SLF2: variants seen among roughly 807,000 people sequenced by gnomAD.
SLF2 encodes SMC5-SMC6 complex localization factor protein 2.
Under a neutral mutation model 124.3 loss-of-function variants are expected in SLF2, and 68 were observed. The observed-to-expected ratio is 0.55, with a 90% confidence interval of 0.45 to 0.67. The LOEUF is 0.67. SLF2 is among the 30% of genes least tolerant of loss of function. The pLI is 0.00. For missense variants in SLF2, 1,246 were observed against 1,373.7 expected (o/e 0.91, Z 1.47); for synonymous variants, 480 against 478.8 (o/e 1.00, Z -0.03).
chr10:100,937,298 G>T (rs1051372676), intron 9 of SLF2, 104 bp from the exon 10 acceptor site: 8 of 838,406 alleles, frequency 9.5e-6, no homozygotes, highest in Non-Finnish European at 1.6e-5. Context: ...GGCATGAACT[G>T]CTGCGCCTGG....
At chr10:100,932,687 CAAT>C (rs1564775890) in intron 9 of SLF2, among the ~76,000 whole-genome samples, 7 of 140,884 alleles carry the variant, frequency 5.0e-5, no homozygotes, top group East Asian at 2.2e-4. Context: ...AGGAGACAAA[CAAT>C]AAGTGTGTGT....
Position 100,917,059 on chromosome 10 carries a change from A to G in SLF2, c.674A>G (p.His225Arg). 1 of 1,614,238 alleles carries G rather than the reference A, an allele frequency of 6.2e-7. No homozygotes were observed. Among genetic ancestry groups the G allele is most frequent in the Non-Finnish European group, 8.5e-7 (1 of 1,180,046 alleles). Residue 225 changes from histidine (H) to arginine (R), a missense_variant, in exon 3 of 20, where the codon CAC becomes CGC. His to Arg is a conservative substitution (Grantham distance 29, BLOSUM62 0). Coordinates refer to ENST00000238961, the MANE Select transcript of SLF2 (RefSeq NM_018121.4). ...SLSSRSSLSRHHPEESPLGAK... is the reference protein window; with the variant it reads ...SLSSRSSLSRRHPEESPLGAK... ...AGCAGCAGGAGCAGCCTGTCCAGGC[A>G]CCACCCGGAAGAAAGCCCACTGGGA...
intron 10 of SLF2, among the ~76,000 whole-genome samples, chr10:100,938,164 A>G (rs1341962130): frequency 6.6e-6 from 1 of 152,222 alleles, no homozygotes; most frequent in Non-Finnish European, 1.5e-5. Flanking sequence ...CATCCACTGT[A>G]AAAGTGTAAC....
rs551246691 is a variant in SLF2, at chr10:100,917,921, A to G, written c.916-463A>G. The stretch of plus-strand genomic sequence containing the variant: ...ATATCGAGACCTTGGCTCTACTACA[A>G]ATAAATAAATAAATAAATAACCAGT... On this transcript the variant is annotated intron_variant, in intron 3 of 19. Coordinates refer to ENST00000238961, the MANE Select transcript of SLF2 (RefSeq NM_018121.4). 2.0e-5 allele frequency among the ~76,000 whole-genome samples: 3 copies of G among 149,470 alleles called. No homozygotes were observed. In the Admixed American group the frequency reaches 2.1e-4, roughly 10 times the overall value.
intron 12 of SLF2, 124 bp downstream of exon 12, chr10:100,944,252 T>G: frequency 1.8e-6 from 1 of 552,934 alleles, no homozygotes; most frequent in Non-Finnish European, 3.1e-6. Context: ...TCCCAGCACT[T>G]TGGGAGGCCA....
At position 100,913,093 on chromosome 10, in the gene SLF2, G is replaced by A. The variant is rs377499641; in HGVS notation, c.-18G>A. The A allele has an allele frequency of 1.1e-5, 18 of 1,608,140 alleles. No individual in the cohort carries two copies. In the African/African-American group the frequency reaches 2.0e-4, roughly 18 times the overall value. On this transcript the variant is annotated 5_prime_UTR_variant, in exon 1 of 20. Coordinates refer to ENST00000238961, the MANE Select transcript of SLF2 (RefSeq NM_018121.4). ...TTCTCCAGCCACGGCTCATGCCGCC[G>A]TCGCCAGCGGCGCCGACATGACAAG... is the stretch of plus-strand genomic sequence containing the variant.
intron 18 of SLF2, 35 bp downstream of exon 18, chr10:100,956,572 T>TC (rs754532578): frequency 1.4e-6 from 2 of 1,450,640 alleles, no homozygotes; most frequent in Non-Finnish European, 1.9e-6. Context: ...TTTTTTTTTT[T>TC]CTTAATCTTG....
chr10:100,922,071 G>T (rs1029563896), intron 4 of SLF2, among the ~76,000 whole-genome samples: 1 of 151,930 alleles, frequency 6.6e-6, no homozygotes, highest in African/African-American at 2.4e-5. Context: ...TTTGGTTTTG[G>T]CGGGTTTATT....
At chr10:100,915,895 T>C (rs573724875) in intron 1 of SLF2, 104 bp from the exon 2 acceptor site, 40 of 900,474 alleles carry the variant, frequency 4.4e-5, no homozygotes, top group Admixed American at 3.3e-4. Context: ...TTAAACCAAA[T>C]AGTGAAATCC....
chr10:100,928,067 AC>A (rs1307308154), intron 6 of SLF2, among the ~76,000 whole-genome samples: 5 of 74,936 alleles, frequency 6.7e-5, no homozygotes, highest in Admixed American at 1.5e-4. Context: ...ACACACACAC[AC>A]GAGAGAGAGA....
chr10:100,955,569 T>G (rs1448331981), intron 17 of SLF2, among the ~76,000 whole-genome samples: 2 of 151,970 alleles, frequency 1.3e-5, no homozygotes, highest in Admixed American at 6.6e-5. Context: ...ACACTAGCCT[T>G]GGCAACAAAG....
In SLF2 at chr10:100,923,996, T is replaced by C. The variant is rs1849563721; in HGVS notation, c.995T>C (p.Phe332Ser). The C allele has an allele frequency of 6.4e-7, 1 of 1,551,672 alleles. No homozygotes were observed. Among genetic ancestry groups the C allele is most frequent in the Non-Finnish European group, 8.6e-7 (1 of 1,156,514 alleles). The change falls in exon 5 of 20, where the codon TTC becomes TCC. Residue 332 changes from phenylalanine to serine, a missense_variant. Coordinates refer to ENST00000238961, the MANE Select transcript of SLF2 (RefSeq NM_018121.4). ...PTSAGSKQNKFPEKRKRNSVD... is the reference protein window; with the variant it reads ...PTSAGSKQNKSPEKRKRNSVD... ...TTAGCAGGCTCTAAGCAGAATAAAT[T>C]CCCTGAAAAAAGAAAAAGGAACTCT... is the stretch of plus-strand genomic sequence containing the variant.
intron 19 of SLF2, among the ~76,000 whole-genome samples, chr10:100,960,237 T>A (rs1455587174): frequency 6.6e-6 from 1 of 152,250 alleles, no homozygotes; most frequent in Non-Finnish European, 1.5e-5. Flanking sequence ...CATGAACATT[T>A]GTATGCAAGT....
Position 100,918,082 on chromosome 10 carries a change from T to C in SLF2, c.916-302T>C, listed in dbSNP as rs1004675421. Among the ~76,000 whole-genome samples the C allele has an allele frequency of 5.3e-5, 8 of 152,200 alleles. No homozygotes were observed. In the South Asian group the frequency reaches 1.7e-3, roughly 32 times the overall value. On this transcript the variant is annotated intron_variant, in intron 3 of 19. Transcript: ENST00000238961. ...GCCTGGGTGACAGAGCGAGACCTTG[T>C]CTCAAAAATACAGTGTTCTAATATA...
chr10:100,953,904 A>G (rs1850274167), intron 17 of SLF2, among the ~76,000 whole-genome samples: 1 of 151,868 alleles, frequency 6.6e-6, no homozygotes, highest in Non-Finnish European at 1.5e-5. Flanking sequence ...CACCCGCCTC[A>G]GCCTCCCAAA....
At chr10:100,915,922 A>G (rs747687416) in intron 1 of SLF2, 77 bp from the exon 2 acceptor site, 15 of 1,140,480 alleles carry the variant, frequency 1.3e-5, no homozygotes, top group Non-Finnish European at 1.8e-5. Context: ...TATTTTATAA[A>G]TCTTTCTCCA....
intron 6 of SLF2, chr10:100,926,274 A>G (rs771009289): frequency 6.7e-7 from 1 of 1,490,632 alleles, no homozygotes; most frequent in South Asian, 1.3e-5. Flanking sequence ...GCGCCACTTC[A>G]CTGCAGCCTG....
chr10:100,960,998 C>CT (rs59983480), intron 19 of SLF2, among the ~76,000 whole-genome samples: 9,972 of 61,148 alleles, frequency 0.16, 3,571 homozygotes, highest in East Asian at 0.35. Flanking sequence ...TTCTGTACTT[C>CT]TTTTTTTTTT....
chr10:100,960,941 G>A (rs1348427143), intron 19 of SLF2, among the ~76,000 whole-genome samples: 1 of 145,042 alleles, frequency 6.9e-6, no homozygotes, highest in Non-Finnish European at 1.5e-5. Context: ...TAGGAACTTG[G>A]TGAAATATGG....
Sources: gnomAD v4.1 joint callset for allele counts (sites outside exome capture counted in the v4.1 genomes callset) on GRCh38, gnomAD v4.1.1 for gene constraint, MANE v1.5 for transcripts, NCBI Gene and HGNC (gene_info 2026-07-23, HGNC 2026-07-21) for gene names.